Variants in GLIS3 observed in about 807,000 individuals in gnomAD.
GLIS3 encodes the protein zinc finger protein GLIS3.
Under a neutral mutation model 78.6 loss-of-function variants are expected in GLIS3, and 53 were observed. That is an observed-to-expected ratio of 0.67 (90% CI 0.54 to 0.85). GLIS3 has a LOEUF of 0.85. Ranked by LOEUF, GLIS3 falls within the 40% of genes least tolerant of loss-of-function variation. The pLI, the probability that GLIS3 is intolerant of heterozygous loss-of-function variation, is 0.00. For synonymous variants in GLIS3, 684 were observed against 509.9 expected (o/e 1.34, Z -4.60); for missense variants, 1,703 against 1,231.1 (o/e 1.38, Z -5.74).
At chr9:4,337,296 G>A (rs1399768323) in intron 2 of GLIS3, among the ~76,000 whole-genome samples, 3 of 152,148 alleles carry the variant, frequency 2.0e-5, no homozygotes, top group African/African-American at 4.8e-5. Context: ...TTGTAACAAA[G>A]CTGGAAATAA....
At chr9:4,298,119 T>C (rs1175244901) in intron 1 of GLIS3, among the ~76,000 whole-genome samples, 1 of 151,998 alleles carries the variant, frequency 6.6e-6, no homozygotes, top group Non-Finnish European at 1.5e-5. Context: ...CGCTCCTGAG[T>C]GAGTCGGGGG....
intron 2 of GLIS3, among the ~76,000 whole-genome samples, chr9:4,186,458 T>G (rs1403820678): frequency 1.3e-5 from 2 of 151,942 alleles, no homozygotes. Context: ...ACAATAAACA[T>G]ATGTGTGCAT....
chr9:4,135,344 T>A (rs1419976572), intron 2 of GLIS3, among the ~76,000 whole-genome samples: 1 of 152,148 alleles, frequency 6.6e-6, no homozygotes, highest in Admixed American at 6.5e-5. Flanking sequence ...TCCCTTAAGG[T>A]AATGAACTCT....
chr9:3,950,070 G>A (rs964834024), intron 4 of GLIS3, among the ~76,000 whole-genome samples: 3 of 152,122 alleles, frequency 2.0e-5, no homozygotes, highest in Admixed American at 6.6e-5. Flanking sequence ...ACCCAGCAGC[G>A]CAGCCCCAAA....
intron 2 of GLIS3, among the ~76,000 whole-genome samples, chr9:4,140,094 C>T (rs1255569731): frequency 6.6e-6 from 1 of 152,138 alleles, no homozygotes; most frequent in Non-Finnish European, 1.5e-5. Flanking sequence ...GCCGCCAGAC[C>T]AGGTAGATCG....
chr9:4,377,398 A>T, the GLIS3 span, among the ~76,000 whole-genome samples: 6 of 135,138 alleles, frequency 4.4e-5, 1 homozygote, highest in African/African-American at 1.6e-4. Context: ...GGAATCTTGG[A>T]GTTACACCAG....
At chr9:4,071,677 G>A (rs990590546) in intron 4 of GLIS3, 3 of 152,154 alleles carry the variant, frequency 2.0e-5, no homozygotes, top group African/African-American at 4.8e-5. Context: ...ACTATTACAT[G>A]TCTGTTCCCA....
At chr9:4,127,041 TG>T (rs1332585663) in intron 2 of GLIS3, among the ~76,000 whole-genome samples, 1 of 152,200 alleles carries the variant, frequency 6.6e-6, no homozygotes, top group Non-Finnish European at 1.5e-5. Flanking sequence ...TGTCATCTTT[TG>T]TAACATTCTT....
intron 4 of GLIS3, among the ~76,000 whole-genome samples, chr9:4,307,590 G>A (rs768367584): frequency 1.4e-4 from 22 of 152,136 alleles, no homozygotes; most frequent in Non-Finnish European, 2.4e-4. Context: ...CTATGAATAT[G>A]TTAGATTACA....
At chr9:4,163,600 C>G (rs1015881496) in intron 2 of GLIS3, among the ~76,000 whole-genome samples, 1 of 152,226 alleles carries the variant, frequency 6.6e-6, no homozygotes, top group Non-Finnish European at 1.5e-5. Context: ...AGTGTGAACA[C>G]TGAAATTAGA....
chr9:4,474,988 TTTTTTTC>T, the GLIS3 span, among the ~76,000 whole-genome samples: 215 of 95,178 alleles, frequency 2.3e-3, 5 homozygotes, highest in Non-Finnish European at 3.0e-3. Flanking sequence ...TATGTTAATT[TTTTTTTC>T]TTTTTTTTTT....
chr9:3,984,603 C>T (rs1165266570), intron 4 of GLIS3, among the ~76,000 whole-genome samples: 1 of 152,192 alleles, frequency 6.6e-6, no homozygotes, highest in Non-Finnish European at 1.5e-5. Flanking sequence ...AGACTTTAGA[C>T]TGTAGACTTT....
intron 4 of GLIS3, among the ~76,000 whole-genome samples, chr9:4,000,962 T>C (rs1455165716): frequency 6.6e-6 from 1 of 152,206 alleles, no homozygotes; most frequent in Non-Finnish European, 1.5e-5. Context: ...AATTTTTCTA[T>C]TTATATTGTC....
chr9:4,185,732 C>A (rs1817726708), intron 2 of GLIS3, among the ~76,000 whole-genome samples: 1 of 152,156 alleles, frequency 6.6e-6, no homozygotes, highest in African/African-American at 2.4e-5. Context: ...TAGCTAGGAC[C>A]ATGTTCAGCA....
intron 2 of GLIS3, among the ~76,000 whole-genome samples, chr9:4,208,087 G>A (rs1820042209): frequency 6.6e-6 from 1 of 152,154 alleles, no homozygotes; most frequent in Non-Finnish European, 1.5e-5. Flanking sequence ...TGCCTGCCAA[G>A]AGCAGGCCTA....
At chr9:4,026,952 A>C (rs579500) in intron 4 of GLIS3, among the ~76,000 whole-genome samples, 5,825 of 152,238 alleles carry the variant, frequency 0.038, 360 homozygotes, top group African/African-American at 0.13. Flanking sequence ...AGTCAAACCT[A>C]AGACTGTCTG....
intron 2 of GLIS3, among the ~76,000 whole-genome samples, chr9:4,217,690 G>A (rs1035446331): frequency 6.6e-6 from 1 of 152,136 alleles, no homozygotes; most frequent in African/African-American, 2.4e-5. Flanking sequence ...CCTGTCACAG[G>A]CCCAGGGCAG....
chr9:4,384,364 A>T, the GLIS3 span, among the ~76,000 whole-genome samples: 1 of 152,028 alleles, frequency 6.6e-6, no homozygotes, highest in African/African-American at 2.4e-5. Flanking sequence ...CTTTTTAGAA[A>T]TTCCAAATGA....
At chr9:4,442,770 A>C in the GLIS3 span, among the ~76,000 whole-genome samples, 26 of 152,276 alleles carry the variant, frequency 1.7e-4, no homozygotes, top group Non-Finnish European at 3.5e-4. Flanking sequence ...ACAGTTATTA[A>C]AATGAAGGCT....
Sources: allele counts gnomAD v4.1 joint callset (sites outside exome capture counted in the v4.1 genomes callset), GRCh38; gene constraint gnomAD v4.1.1; transcripts MANE v1.5; gene names NCBI Gene and HGNC (gene_info 2026-07-23, HGNC 2026-07-21).